Variants in ACACB observed in about 807,000 individuals in gnomAD.
ACACB encodes acetyl-CoA carboxylase 2.
A neutral mutation model predicts 278.8 loss-of-function variants in ACACB; 209 were observed. The ratio of observed to expected loss-of-function variants is 0.75; its 90% CI spans 0.67 to 0.84. The LOEUF (loss-of-function observed/expected upper bound fraction) is 0.84, where lower values mean the gene tolerates loss of function less well. Ranked by LOEUF, ACACB falls within the 40% of genes least tolerant of loss-of-function variation. The pLI, the probability that ACACB is intolerant of heterozygous loss-of-function variation, is 0.00. For missense variants in ACACB, 2,850 were observed against 3,269.0 expected, an observed-to-expected ratio of 0.87 and a Z score of 3.13; for synonymous variants, 1,174 against 1,285.6, an observed-to-expected ratio of 0.91 and a Z score of 1.86.
intron 16 of ACACB, among the ~76,000 whole-genome samples, chr12:109,196,380 T>G (rs1593527292): frequency 6.6e-6 from 1 of 152,136 alleles, no homozygotes; most frequent in South Asian, 2.1e-4. Context: ...GCTGGGAAGG[T>G]CAATATCAAG....
intron 16 of ACACB, among the ~76,000 whole-genome samples, chr12:109,194,555 T>G (rs755431532): frequency 1.3e-5 from 1 of 76,896 alleles, no homozygotes; most frequent in Non-Finnish European, 3.1e-5. Flanking sequence ...TGTGTTTACA[T>G]TGGCCTCCCA....
At chr12:109,260,364 C>T in intron 47 of ACACB, 116 bp from the exon 48 acceptor site, 2 of 1,323,256 alleles carry the variant, frequency 1.5e-6, no homozygotes, top group Non-Finnish European at 2.1e-6. Context: ...CAGCCCAGTG[C>T]TCTCCAAGCC....
intron 20 of ACACB, among the ~76,000 whole-genome samples, chr12:109,207,253 G>A (rs572408667): frequency 6.6e-6 from 1 of 152,252 alleles, no homozygotes; most frequent in African/African-American, 2.4e-5. Flanking sequence ...ACCGCACCCA[G>A]CCCCTCGGTT....
intron 16 of ACACB, among the ~76,000 whole-genome samples, chr12:109,194,110 G>T (rs1593520278): frequency 6.6e-6 from 1 of 152,242 alleles, no homozygotes; most frequent in Non-Finnish European, 1.5e-5. Context: ...AGCCTCCCCA[G>T]CTTCTGGTGC....
rs1593557676 is a variant in ACACB, at chr12:109,206,572, T to A, written c.2914-138T>A. ...TGGCCGTTTTAACTTTCCAGTTCATTGTCTTTGATTTTTTCCTCAGACCTC... is the reference window on the plus strand; with the variant it reads ...TGGCCGTTTTAACTTTCCAGTTCATAGTCTTTGATTTTTTCCTCAGACCTC... On this transcript the variant is annotated intron_variant, in intron 19 of 52. Coordinates refer to ENST00000338432, the MANE Select transcript of ACACB (RefSeq NM_001093.4). The A allele has an allele frequency of 1.0e-5, 11 of 1,074,056 alleles. No individual in the cohort carries two copies. The East Asian group carries it at 2.6e-4, about 26-fold the overall frequency. 66.5% of individuals were successfully genotyped at this position (1,074,056 alleles called of 1,614,324 possible).
chr12:109,233,884 G>A (rs757176303), intron 30 of ACACB, 37 bp downstream of exon 30: 1 of 1,613,344 alleles, frequency 6.2e-7, no homozygotes, highest in African/African-American at 1.3e-5. Flanking sequence ...CTGGGGAGCA[G>A]GTGGGCCGTG....
intron 10 of ACACB, 64 bp downstream of exon 10, chr12:109,179,361 A>T: frequency 6.6e-7 from 1 of 1,522,784 alleles, no homozygotes; most frequent in East Asian, 2.4e-5. Flanking sequence ...AGTCAGGAAG[A>T]ACTTTCTACG....
intron 9 of ACACB, among the ~76,000 whole-genome samples, chr12:109,176,939 C>G (rs899874812): frequency 1.3e-5 from 2 of 152,188 alleles, no homozygotes; most frequent in Non-Finnish European, 2.9e-5. Flanking sequence ...ACTGTAGGAA[C>G]GAATTGCACA....
rs190498086 is a variant in ACACB at position 109,230,045 on chromosome 12, A to G, written c.4001+2556A>G. On this transcript the variant is annotated intron_variant, in intron 28 of 52. Transcript: ENST00000338432. ...TATGGGGGTGCCCAAGGCCTTACCT[A>G]CGGCGGCATTGATGTCATTGTGATT... is the stretch of plus-strand genomic sequence containing the variant. 3.9e-5 allele frequency among the ~76,000 whole-genome samples: 6 copies of G among 152,252 alleles called. No individual in the cohort carries two copies. The East Asian group carries it at 1.2e-3, about 29-fold the overall frequency.
intron 39 of ACACB, 144 bp from the exon 40 acceptor site, chr12:109,247,462 T>C: frequency 1.5e-6 from 1 of 650,414 alleles, no homozygotes; most frequent in Non-Finnish European, 2.8e-6. Context: ...ATACGGTATT[T>C]ACATGAGATG....
At chr12:109,124,690 T>G (rs59610760) in intron 1 of ACACB, among the ~76,000 whole-genome samples, 3,172 of 152,236 alleles carry the variant, frequency 0.021, 44 homozygotes, top group African/African-American at 0.027. Flanking sequence ...CTTGTTGTTT[T>G]TTGTTGTTGT....
intron 11 of ACACB, among the ~76,000 whole-genome samples, chr12:109,181,136 C>T (rs113492424): frequency 0.01 from 1,580 of 151,990 alleles, 33 homozygotes; most frequent in African/African-American, 0.036. Flanking sequence ...CAGTTCCATC[C>T]ACGTTGTTGC....
intron 21 of ACACB, among the ~76,000 whole-genome samples, chr12:109,209,834 CAT>C (rs1197433034): frequency 7.0e-5 from 10 of 142,474 alleles, no homozygotes; most frequent in African/African-American, 1.3e-4. Context: ...TATATATACA[CAT>C]ACACACACGT....
Position 109,249,970 on chromosome 12 carries a change from G to A in ACACB, c.5670-14G>A. The A allele has an allele frequency of 6.2e-7, 1 of 1,609,700 alleles. No homozygotes were observed. Among genetic ancestry groups the A allele is most frequent in the Non-Finnish European group, 8.5e-7 (1 of 1,178,464 alleles). ...GGCTAGAGCCCAGCCTTTAACCTGT[G>A]CTTGCTTTTGAAGATACATGATCAC... On this transcript the variant is annotated splice_polypyrimidine_tract_variant and intron_variant, in intron 40 of 52. Coordinates refer to ENST00000338432, the MANE Select transcript of ACACB (RefSeq NM_001093.4).
chr12:109,225,552 G>T (rs769752236), intron 27 of ACACB, among the ~76,000 whole-genome samples: 1 of 152,226 alleles, frequency 6.6e-6, no homozygotes, highest in Non-Finnish European at 1.5e-5. Context: ...ACAGGGAATG[G>T]TGGGAACCTT....
intron 37 of ACACB, among the ~76,000 whole-genome samples, chr12:109,244,259 T>C (rs1466686982): frequency 1.3e-5 from 2 of 152,180 alleles, no homozygotes; most frequent in Non-Finnish European, 2.9e-5. Flanking sequence ...GCATAGAGGA[T>C]ATGAAAGAGT....
chr12:109,176,220 G>T lies in ACACB; in HGVS notation c.1394G>T (p.Arg465Leu). 1.9e-6 allele frequency: 3 copies of T among 1,614,190 alleles called. No homozygotes were observed. Among genetic ancestry groups the T allele is most frequent in the Non-Finnish European group, 2.5e-6 (3 of 1,180,022 alleles). The change falls in exon 9 of 53, where the codon CGG becomes CTG. Residue 465 changes from arginine (R) to leucine (L), a missense_variant. Coordinates refer to ENST00000338432, the MANE Select transcript of ACACB (RefSeq NM_001093.4). ...ASEGGGGKGI[R>L]KAESAEDFPI... The stretch of plus-strand genomic sequence containing the variant: ...GAAGGTGGCGGAGGGAAGGGAATCC[G>T]GAAGGCTGAGAGTGCGGAGGACTTC...
At chr12:109,178,851 G>A (rs191106503) in intron 9 of ACACB, among the ~76,000 whole-genome samples, 1 of 152,182 alleles carries the variant, frequency 6.6e-6, no homozygotes. Flanking sequence ...GTTGTTCATT[G>A]TTCTTCCCCA....
At chr12:109,223,325 C>A (rs2046228656) in intron 26 of ACACB, among the ~76,000 whole-genome samples, 1 of 152,132 alleles carries the variant, frequency 6.6e-6, no homozygotes. Flanking sequence ...GTGCCGTCAT[C>A]CCGGAGTTCT....
Sources: gnomAD v4.1 joint callset for allele counts (sites outside exome capture counted in the v4.1 genomes callset) on GRCh38, gnomAD v4.1.1 for gene constraint, MANE v1.5 for transcripts, NCBI Gene and HGNC (gene_info 2026-07-23, HGNC 2026-07-21) for gene names.